Variants in GFPT1 observed in about 807,000 individuals in gnomAD.
The protein encoded by GFPT1 is glutamine--fructose-6-phosphate transaminase 1.
GFPT1 carries 40 observed loss-of-function variants against 92.0 expected under a neutral mutation model. That is an observed-to-expected ratio of 0.43 (90% CI 0.34 to 0.57). The LOEUF is 0.57. Ranked by LOEUF, GFPT1 falls within the 20% of genes least tolerant of loss-of-function variation. The pLI, the probability that GFPT1 is intolerant of heterozygous loss-of-function variation, is 0.02. For synonymous variants in GFPT1, 269 were observed against 280.6 expected (o/e 0.96, Z 0.41); for missense variants, 448 against 869.1 (o/e 0.52, Z 6.09).
At chr2:69,385,916 T>C (rs1163379196) in intron 1 of GFPT1, among the ~76,000 whole-genome samples, 1 of 151,796 alleles carries the variant, frequency 6.6e-6, no homozygotes, top group Admixed American at 6.6e-5. Context: ...ATACAGGAAA[T>C]ATATACACTA....
At position 69,326,141 on chromosome 2, in the gene GFPT1, CTT is replaced by C; in HGVS notation, c.*46_*47del. On this transcript the variant is annotated 3_prime_UTR_variant, in exon 20 of 20. Coordinates refer to ENST00000357308, the MANE Select transcript of GFPT1 (RefSeq NM_001244710.2). The stretch of plus-strand genomic sequence containing the variant: ...TCAAGGTTTTAAATACAAAAGGTGT[CTT>C]GTGTTGCTTAATCATACAGTTTCGT... 1.6e-6 allele frequency: 2 copies of C among 1,239,414 alleles called. No individual in the cohort carries two copies. Among genetic ancestry groups the C allele is most frequent in the Non-Finnish European group, 2.4e-6 (2 of 843,738 alleles). The allele number at this position is 1,239,414 out of a possible 1,614,324, so 76.8% of individuals were successfully genotyped here.
intron 15 of GFPT1, among the ~76,000 whole-genome samples, chr2:69,331,339 T>C (rs1251106995): frequency 6.6e-6 from 1 of 152,162 alleles, no homozygotes; most frequent in African/African-American, 2.4e-5. Flanking sequence ...AGTTTCTTTA[T>C]TCAAATTGGT....
chr2:69,334,269 T>C (rs1670741950), intron 15 of GFPT1, among the ~76,000 whole-genome samples: 1 of 152,284 alleles, frequency 6.6e-6, no homozygotes, highest in South Asian at 2.1e-4. Context: ...AAACTTATTG[T>C]AAGTAACTAA....
At chr2:69,372,216 A>AAAG (rs1289007148) in intron 2 of GFPT1, among the ~76,000 whole-genome samples, 11 of 151,076 alleles carry the variant, frequency 7.3e-5, no homozygotes, top group South Asian at 4.2e-4. Context: ...AAAAAAAAAA[A>AAAG]AAGAAGATTG....
chr2:69,338,456 A>G lies in GFPT1; in HGVS notation c.1313T>C (p.Leu438Pro), dbSNP rs1460816984. 4 of 1,613,134 alleles carry G rather than the reference A, an allele frequency of 2.5e-6. No homozygotes were observed. In the Admixed American group the frequency reaches 6.7e-5, roughly 27 times the overall value. ...TAAAATTAACACACCTGATTGACTA[A>G]GGAAAAAGCAAACATCATCTCGAAA... is the stretch of plus-strand genomic sequence containing the variant. ...PVFRDDVCFF[L>P]SQSGETADTL... is the part of the protein sequence containing the mutation. The change falls in exon 14 of 20, where the codon CTT becomes CCT. Residue 438 changes from leucine to proline, a missense_variant. This residue lies in a region of GFPT1 where 121 missense variants were observed against 304.3 expected (regional missense o/e 0.40). Coordinates refer to ENST00000357308, the MANE Select transcript of GFPT1 (RefSeq NM_001244710.2).
chr2:69,331,483 C>T (rs981689414), intron 15 of GFPT1, among the ~76,000 whole-genome samples: 1 of 152,146 alleles, frequency 6.6e-6, no homozygotes, highest in African/African-American at 2.4e-5. Context: ...CCACTTCTTT[C>T]TTATTCTGTA....
chr2:69,376,658 T>C (rs1412204084), intron 1 of GFPT1, among the ~76,000 whole-genome samples: 1 of 152,338 alleles, frequency 6.6e-6, no homozygotes, highest in African/African-American at 2.4e-5. Context: ...TGTTTGCAGA[T>C]TGTCCAGAGC....
intron 12 of GFPT1, among the ~76,000 whole-genome samples, chr2:69,344,908 C>G (rs572109102): frequency 6.6e-6 from 1 of 152,130 alleles, no homozygotes; most frequent in Non-Finnish European, 1.5e-5. Context: ...GCTGGGATTA[C>G]AGGCATGAGC....
intron 5 of GFPT1, among the ~76,000 whole-genome samples, chr2:69,359,011 C>T (rs562948730): frequency 5.9e-5 from 9 of 152,296 alleles, no homozygotes; most frequent in East Asian, 5.8e-4. Context: ...AATGTCTCCA[C>T]AAAATTCCAA....
rs1671341064 is a variant in GFPT1, at chr2:69,356,477, T to C, written c.605+19A>G. The C allele has an allele frequency of 6.5e-7, 1 of 1,550,302 alleles. No individual in the cohort carries two copies. Among genetic ancestry groups the C allele is most frequent in the Non-Finnish European group, 8.9e-7 (1 of 1,121,844 alleles). On this transcript the variant is annotated intron_variant, in intron 7 of 19. Transcript: ENST00000357308. ...CAAATATGTTGAAATACATTAGTCATTGTTAGAGTTATATGTACCTTGTGC... is the reference window on the plus strand; with the variant it reads ...CAAATATGTTGAAATACATTAGTCACTGTTAGAGTTATATGTACCTTGTGC...
chr2:69,336,339 C>CAAAA (rs61141681), intron 15 of GFPT1, among the ~76,000 whole-genome samples: 2 of 98,078 alleles, frequency 2.0e-5, no homozygotes, highest in African/African-American at 4.0e-5. Context: ...AGTCTGTCTC[C>CAAAA]AAAAAAAAAA....
intron 1 of GFPT1, among the ~76,000 whole-genome samples, chr2:69,378,978 T>C (rs1257590924): frequency 6.6e-6 from 1 of 152,172 alleles, no homozygotes; most frequent in Non-Finnish European, 1.5e-5. Flanking sequence ...CCAGGAGCAG[T>C]GGCTCACATC....
intron 9 of GFPT1, among the ~76,000 whole-genome samples, chr2:69,350,488 T>A (rs1451297923): frequency 6.6e-6 from 1 of 152,104 alleles, no homozygotes. Flanking sequence ...TATTAACCGG[T>A]TTTTTAAATC....
At chr2:69,368,281 G>A (rs987346176) in intron 3 of GFPT1, among the ~76,000 whole-genome samples, 10 of 152,132 alleles carry the variant, frequency 6.6e-5, no homozygotes, top group African/African-American at 2.4e-4. Flanking sequence ...TACTCAGGAG[G>A]CTGAGGCAGG....
intron 1 of GFPT1, among the ~76,000 whole-genome samples, chr2:69,381,838 G>A (rs769013828): frequency 1.5e-4 from 22 of 149,468 alleles, no homozygotes; most frequent in Non-Finnish European, 2.5e-4. Context: ...ACAGGTGTAA[G>A]CCAAAACACT....
At position 69,322,774 on chromosome 2, in the gene GFPT1, A is replaced by G. The variant is rs911666874; in HGVS notation, c.*3415T>C. 1 of 152,236 alleles carries G rather than the reference A, an allele frequency of 6.6e-6. No homozygotes were observed. The highest frequency in any genetic ancestry group is 2.4e-5 in the African/African-American group (1 of 41,458). 9.4% of individuals were successfully genotyped at this position (152,236 alleles called of 1,614,324 possible). A position where few individuals can be genotyped will look rare whatever the true frequency, so the allele number is the denominator to read the frequency against. Reference sequence around the variant, plus strand: ...ATTAAGGACTGTTGTTAACAGATTTATGGGTCATTTGTAGCTTACTTTGCA... The same window carrying G: ...ATTAAGGACTGTTGTTAACAGATTTGTGGGTCATTTGTAGCTTACTTTGCA... On this transcript the variant is annotated 3_prime_UTR_variant, in exon 20 of 20. Transcript: ENST00000357308.
At chr2:69,337,416 T>C (rs986779067) in intron 15 of GFPT1, among the ~76,000 whole-genome samples, 28 of 152,120 alleles carry the variant, frequency 1.8e-4, no homozygotes, top group African/African-American at 6.8e-4. Context: ...CTTTCAGAGG[T>C]AGTATGTATA....
At chr2:69,369,033 G>A (rs757696654) in intron 3 of GFPT1, among the ~76,000 whole-genome samples, 4 of 152,126 alleles carry the variant, frequency 2.6e-5, no homozygotes, top group Non-Finnish European at 5.9e-5. Context: ...GAATCTCACA[G>A]CAATGTCTGT....
chr2:69,367,344 TTTGTTG>T (rs144120046), intron 3 of GFPT1, among the ~76,000 whole-genome samples: 53 of 150,360 alleles, frequency 3.5e-4, no homozygotes, highest in East Asian at 2.2e-3. Context: ...CAACTTATTT[TTTGTTG>T]TTGTTGTTGT....
Sources: allele counts gnomAD v4.1 joint callset (sites outside exome capture counted in the v4.1 genomes callset), GRCh38; gene constraint gnomAD v4.1.1; regional missense constraint gnomAD v4.1.1; transcripts MANE v1.5; gene names NCBI Gene and HGNC (gene_info 2026-07-23, HGNC 2026-07-21).